The following ZFYVE28 variants were observed in gnomAD, a reference collection of about 807,000 sequenced individuals.
ZFYVE28 encodes lateral signaling target protein 2 homolog.
ZFYVE28 carries 40 observed loss-of-function variants against 82.1 expected under a neutral mutation model. The ratio of observed to expected loss-of-function variants is 0.49; its 90% CI spans 0.38 to 0.63. The LOEUF (loss-of-function observed/expected upper bound fraction) is 0.63. ZFYVE28 is among the 30% of genes least tolerant of loss of function. The probability of loss-of-function intolerance (pLI) is 0.00; values close to 1 mark genes in which losing one functional copy is unlikely to be tolerated. For synonymous variants in ZFYVE28, 612 were observed against 546.1 expected (o/e 1.12, Z -1.68); for missense variants, 1,321 against 1,242.1 (o/e 1.06, Z -0.96).
rs60828021 is a variant in ZFYVE28 at position 2,391,740 on chromosome 4, C to CT, written c.39+26544dup. Among the ~76,000 whole-genome samples the CT allele has an allele frequency of 8.3e-3, 1,178 of 142,196 alleles. 25 individuals are homozygous for CT. Among genetic ancestry groups the CT allele is most frequent in the East Asian group, 0.063 (298 of 4,696 alleles). The allele number at this position is 142,196 out of a possible 152,430, so 93.3% of individuals were successfully genotyped here. A position where few individuals can be genotyped will look rare whatever the true frequency, so the allele number is the denominator to read the frequency against. On this transcript the variant is annotated intron_variant, in intron 1 of 12. Transcript: ENST00000290974. Reference sequence around the variant, plus strand: ...CTTCCTGTAAGTCAATTCTCTCTCTCTTTTTTTTTTTTTGTGACTGAGTCT... The same window carrying CT: ...CTTCCTGTAAGTCAATTCTCTCTCTCTTTTTTTTTTTTTTGTGACTGAGTCT...
chr4:2,389,629 C>T (rs1238016808), intron 1 of ZFYVE28, among the ~76,000 whole-genome samples: 1 of 152,212 alleles, frequency 6.6e-6, no homozygotes, highest in African/African-American at 2.4e-5. Context: ...AGGGCAATGA[C>T]AGCCCTGCGT....
intron 1 of ZFYVE28, among the ~76,000 whole-genome samples, chr4:2,381,940 G>A (rs538045079): frequency 1.3e-5 from 2 of 152,230 alleles, no homozygotes; most frequent in Non-Finnish European, 2.9e-5. Flanking sequence ...GCAGCCTAGG[G>A]ACTTGGTGCC....
At chr4:2,370,392 G>A (rs1335103917) in intron 1 of ZFYVE28, among the ~76,000 whole-genome samples, 2 of 152,164 alleles carry the variant, frequency 1.3e-5, no homozygotes, top group Non-Finnish European at 2.9e-5. Context: ...AGCAGAGCTG[G>A]CCGAGCTGCC....
chr4:2,309,168 C>A (rs1717142045), intron 7 of ZFYVE28, among the ~76,000 whole-genome samples: 1 of 152,180 alleles, frequency 6.6e-6, no homozygotes, highest in Admixed American at 6.5e-5. Flanking sequence ...TTAGTTACCA[C>A]AAGAGTGGGT....
chr4:2,291,397 C>T (rs1428220493), intron 8 of ZFYVE28, among the ~76,000 whole-genome samples: 1 of 152,142 alleles, frequency 6.6e-6, no homozygotes, highest in Admixed American at 6.5e-5. Flanking sequence ...ACCTTCTCAC[C>T]TTCTTGGGCT....
At chr4:2,330,397 G>C in intron 6 of ZFYVE28, 1 of 1,032,830 alleles carries the variant, frequency 9.7e-7, no homozygotes, top group South Asian at 3.4e-5. Context: ...GTAGGGGACA[G>C]TGCAGAGGAG....
intron 7 of ZFYVE28, among the ~76,000 whole-genome samples, chr4:2,310,573 G>A (rs762872544): frequency 2.8e-4 from 43 of 152,286 alleles, no homozygotes; most frequent in Non-Finnish European, 4.9e-4. Flanking sequence ...GGAGGCCAAG[G>A]CAGTCAGATT....
rs185670857 is a variant in ZFYVE28, at chr4:2,302,401, A to T, written c.2051+1888T>A. On this transcript the variant is annotated intron_variant, in intron 8 of 12. Coordinates refer to ENST00000290974, the MANE Select transcript of ZFYVE28 (RefSeq NM_020972.3). ...TGAGACCAATGAACCTGCTGTGAGG[A>T]AATGGTGTCCAGTGGCCTTAGAGAC... is the stretch of plus-strand genomic sequence containing the variant. 1.7e-4 allele frequency among the ~76,000 whole-genome samples: 26 copies of T among 152,336 alleles called. No homozygotes were observed. The East Asian group carries it at 5.0e-3, about 29-fold the overall frequency.
chr4:2,399,088 GAGATCC>G (rs1730864977), intron 1 of ZFYVE28, among the ~76,000 whole-genome samples: 1 of 67,732 alleles, frequency 1.5e-5, no homozygotes, highest in African/African-American at 5.9e-5. Context: ...GCGTGAAGGT[GAGATCC>G]AGGGCACAAG....
rs200819673 is a variant in ZFYVE28 at position 2,273,327 on chromosome 4, C to A, written c.2207-38G>T. 3.6e-5 allele frequency: 56 copies of A among 1,577,114 alleles called. No individual in the cohort carries two copies. In the African/African-American group the frequency reaches 5.0e-4, roughly 14 times the overall value. Reference sequence around the variant, plus strand: ...GGCCACAGTAACCACGACAGAAGGACGGATGGAAGGAACTGCGGAGGTCGG... The same window carrying A: ...GGCCACAGTAACCACGACAGAAGGAAGGATGGAAGGAACTGCGGAGGTCGG... On this transcript the variant is annotated intron_variant, in intron 9 of 12. Coordinates refer to ENST00000290974, the MANE Select transcript of ZFYVE28 (RefSeq NM_020972.3).
intron 1 of ZFYVE28, among the ~76,000 whole-genome samples, chr4:2,379,713 T>C (rs553206922): frequency 6.6e-6 from 1 of 152,360 alleles, no homozygotes; most frequent in East Asian, 1.9e-4. Flanking sequence ...ACTGATCATC[T>C]ATCAAATTTT....
intron 1 of ZFYVE28, among the ~76,000 whole-genome samples, chr4:2,403,103 G>A (rs558901015): frequency 1.7e-4 from 26 of 152,356 alleles, no homozygotes; most frequent in Non-Finnish European, 1.9e-4. Context: ...CCCCGTGGCC[G>A]CCTGATGACC....
intron 2 of ZFYVE28, chr4:2,342,932 T>C (rs1212602146): frequency 6.6e-6 from 1 of 152,250 alleles, no homozygotes; most frequent in Non-Finnish European, 1.5e-5. Flanking sequence ...TCCGAGGGCC[T>C]GTTTTCAGCC....
In ZFYVE28 at chr4:2,417,462, C is replaced by CCCG. The variant is rs1733201344; in HGVS notation, c.39+820_39+822dup. 6.6e-6 allele frequency among the ~76,000 whole-genome samples: 1 copy of CCCG among 150,548 alleles called. No individual in the cohort carries two copies. Among genetic ancestry groups the CCCG allele is most frequent in the Admixed American group, 6.6e-5 (1 of 15,080 alleles). ...GAGGCACGGGGCGCGCCGCCCGGAC[C>CCCG]CCGACCCCGCGGCGCTAGGAGAGGC... On this transcript the variant is annotated intron_variant, in intron 1 of 12. Coordinates refer to ENST00000290974, the MANE Select transcript of ZFYVE28 (RefSeq NM_020972.3). The surrounding 1 kb of genome is among the most constrained non-coding windows in gnomAD (Gnocchi z 4.8).
chr4:2,272,151 C>T (rs775963377), intron 10 of ZFYVE28, among the ~76,000 whole-genome samples: 1 of 152,252 alleles, frequency 6.6e-6, no homozygotes, highest in Non-Finnish European at 1.5e-5. Flanking sequence ...AGAAGGCAGT[C>T]CTGCCAACCT....
intron 2 of ZFYVE28, among the ~76,000 whole-genome samples, chr4:2,344,280 G>T (rs1370392644): frequency 6.6e-6 from 1 of 152,172 alleles, no homozygotes; most frequent in Non-Finnish European, 1.5e-5. Flanking sequence ...GTGGGGAGAT[G>T]ACCTAAGTTC....
Position 2,353,969 on chromosome 4 carries a change from C to T in ZFYVE28, c.144G>A (p.Arg48=), listed in dbSNP as rs185700553. The change falls in exon 2 of 13, where the codon CGG becomes CGA. Residue 48 remains arginine (R), a synonymous_variant. Transcript: ENST00000290974. The part of the protein sequence containing the change: ...DSLDGRKDPQ[R]CTLLVSQFRS... ...GGAACTGGCTGACCAGCAGCGTGCA[C>T]CGCTGGGGGTCCTTCCGCCCATCCA... The T allele has an allele frequency of 1.6e-5, 26 of 1,579,136 alleles. No homozygotes were observed. The East Asian group carries it at 5.7e-4, about 34-fold the overall frequency.
chr4:2,286,929 C>T (rs1712835153), intron 8 of ZFYVE28: 1 of 152,212 alleles, frequency 6.6e-6, no homozygotes, highest in South Asian at 2.1e-4. Flanking sequence ...GAGATGAAAC[C>T]ATCCTGGACT....
At chr4:2,361,490 C>T (rs1272264950) in intron 1 of ZFYVE28, among the ~76,000 whole-genome samples, 1 of 152,142 alleles carries the variant, frequency 6.6e-6, no homozygotes, top group Non-Finnish European at 1.5e-5. Flanking sequence ...CCAGCAGTTA[C>T]GAGGGCTGGC....
Sources: gnomAD v4.1 joint callset for allele counts (sites outside exome capture counted in the v4.1 genomes callset) on GRCh38, gnomAD v4.1.1 for gene constraint, Gnocchi (gnomAD v3.1) non-coding constraint, MANE v1.5 for transcripts, NCBI Gene and HGNC (gene_info 2026-07-23, HGNC 2026-07-21) for gene names.